DTWD2: variants seen among roughly 807,000 people sequenced by gnomAD.
The protein encoded by DTWD2 is DTW motif tRNA-uridine aminocarboxypropyltransferase 2.
Under a neutral mutation model 31.8 loss-of-function variants are expected in DTWD2, and 39 were observed. The ratio of observed to expected loss-of-function variants is 1.22; its 90% CI spans 0.95 to 1.60. DTWD2 has a LOEUF of 1.60. Ranked by LOEUF, DTWD2 falls within the 40% of genes most tolerant of loss-of-function variation. The pLI, the probability that DTWD2 is intolerant of heterozygous loss-of-function variation, is 0.00. For synonymous variants in DTWD2, 180 were observed against 142.8 expected (o/e 1.26, Z -1.86); for missense variants, 515 against 381.5 (o/e 1.35, Z -2.92).
At chr5:118,963,968 G>C (rs1395688513) in intron 1 of DTWD2, among the ~76,000 whole-genome samples, 1 of 152,162 alleles carries the variant, frequency 6.6e-6, no homozygotes, top group African/African-American at 2.4e-5. Context: ...CCAGTACTTT[G>C]GGAGGCCGAG....
rs532400829 is a variant in DTWD2 at position 118,844,485 on chromosome 5, GA to G, written c.727-3399del. On this transcript the variant is annotated intron_variant, in intron 5 of 5. Coordinates refer to ENST00000510708, the MANE Select transcript of DTWD2 (RefSeq NM_173666.4). ...TACAGGCAAAAATTAGAGAGGAAAA[GA>G]GGGGCAAGAGGATTAACTCTTTTTG... Among the ~76,000 whole-genome samples the G allele has an allele frequency of 1.2e-3, 179 of 152,316 alleles. 2 individuals carry two copies. The highest frequency in any genetic ancestry group is 1.9e-3 in the Admixed American group (29 of 15,298).
chr5:118,921,218 T>G (rs1416217394), intron 4 of DTWD2, among the ~76,000 whole-genome samples: 1 of 152,134 alleles, frequency 6.6e-6, no homozygotes, highest in Non-Finnish European at 1.5e-5. Flanking sequence ...TGTGGATATA[T>G]TCTGCCAACA....
At chr5:118,847,539 G>A (rs1048387266) in intron 5 of DTWD2, among the ~76,000 whole-genome samples, 4 of 151,710 alleles carry the variant, frequency 2.6e-5, no homozygotes, top group Non-Finnish European at 4.4e-5. Flanking sequence ...AATTATATAT[G>A]AAATCATCAT....
chr5:118,844,587 A>G (rs1352694568), intron 5 of DTWD2, among the ~76,000 whole-genome samples: 1 of 152,212 alleles, frequency 6.6e-6, no homozygotes, highest in Non-Finnish European at 1.5e-5. Flanking sequence ...AACATTTTGT[A>G]TATTACAGAT....
chr5:118,893,559 G>C (rs1753020500), intron 4 of DTWD2, among the ~76,000 whole-genome samples: 1 of 152,010 alleles, frequency 6.6e-6, no homozygotes, highest in Admixed American at 6.6e-5. Flanking sequence ...TATTTTTATA[G>C]TTTTTCAATT....
chr5:118,974,182 T>A, intron 1 of DTWD2: 1 of 1,426,340 alleles, frequency 7.0e-7, no homozygotes, highest in Non-Finnish European at 9.7e-7. Context: ...CTATTCACCC[T>A]CCACTTCCCG....
intron 4 of DTWD2, among the ~76,000 whole-genome samples, chr5:118,908,534 T>C (rs772965355): frequency 2.0e-5 from 3 of 152,058 alleles, no homozygotes; most frequent in Non-Finnish European, 4.4e-5. Context: ...GTGTCTTATA[T>C]AGCCTAGAAT....
intron 1 of DTWD2, among the ~76,000 whole-genome samples, chr5:118,975,063 G>A (rs1381250253): frequency 1.3e-5 from 2 of 152,130 alleles, no homozygotes; most frequent in Non-Finnish European, 2.9e-5. Context: ...GAATTTGAAT[G>A]TTGGCCTGTC....
chr5:118,844,906 G>A (rs1165005057), intron 5 of DTWD2, among the ~76,000 whole-genome samples: 1 of 152,136 alleles, frequency 6.6e-6, no homozygotes, highest in East Asian at 1.9e-4. Context: ...GGCGAAGGCA[G>A]GTGGATCGCT....
intron 4 of DTWD2, among the ~76,000 whole-genome samples, chr5:118,913,353 G>A (rs766745416): frequency 8.7e-5 from 13 of 149,454 alleles, no homozygotes; most frequent in Non-Finnish European, 1.6e-4. Context: ...GGTATACTCT[G>A]CAAATTTTGA....
chr5:118,841,291 A>G (rs1298454518), intron 5 of DTWD2, among the ~76,000 whole-genome samples: 1 of 152,210 alleles, frequency 6.6e-6, no homozygotes, highest in Non-Finnish European at 1.5e-5. Flanking sequence ...TATTACACTA[A>G]GGAATTTTAT....
chr5:118,966,120 G>GA (rs941365094), intron 1 of DTWD2, among the ~76,000 whole-genome samples: 3 of 151,938 alleles, frequency 2.0e-5, no homozygotes, highest in Non-Finnish European at 4.4e-5. Flanking sequence ...GCATTGCCTA[G>GA]AAAAAAACCC....
intron 4 of DTWD2, among the ~76,000 whole-genome samples, chr5:118,869,186 A>T (rs1752447341): frequency 6.6e-6 from 1 of 152,202 alleles, no homozygotes; most frequent in Non-Finnish European, 1.5e-5. Flanking sequence ...CTATATATTT[A>T]AAAATGGTTC....
intron 4 of DTWD2, among the ~76,000 whole-genome samples, chr5:118,923,628 C>G (rs1377676585): frequency 2.0e-5 from 3 of 152,212 alleles, no homozygotes; most frequent in Non-Finnish European, 4.4e-5. Context: ...TTCAGGCACC[C>G]TCTTGGATCT....
chr5:118,857,908 A>G (rs1752175560), intron 4 of DTWD2, among the ~76,000 whole-genome samples: 1 of 152,172 alleles, frequency 6.6e-6, no homozygotes, highest in African/African-American at 2.4e-5. Flanking sequence ...CCTCTTACAT[A>G]TCTGCCATCA....
At chr5:118,881,883 G>A (rs1752750001) in intron 4 of DTWD2, among the ~76,000 whole-genome samples, 1 of 152,122 alleles carries the variant, frequency 6.6e-6, no homozygotes, top group African/African-American at 2.4e-5. Context: ...GATTTGGGTG[G>A]GGACACAGAG....
chr5:118,922,646 T>C (rs1753728638), intron 4 of DTWD2, among the ~76,000 whole-genome samples: 1 of 152,190 alleles, frequency 6.6e-6, no homozygotes, highest in African/African-American at 2.4e-5. Context: ...AAAACATTTA[T>C]AAAGAGCACC....
intron 4 of DTWD2, among the ~76,000 whole-genome samples, chr5:118,916,260 C>T (rs1358783772): frequency 1.3e-5 from 2 of 152,162 alleles, no homozygotes; most frequent in African/African-American, 2.4e-5. Context: ...CACATTTTAT[C>T]TAAAATCAGA....
intron 5 of DTWD2, among the ~76,000 whole-genome samples, chr5:118,841,377 C>T (rs1751710545): frequency 6.6e-6 from 1 of 152,088 alleles, no homozygotes; most frequent in South Asian, 2.1e-4. Context: ...TCAAACACCA[C>T]AAAAAATTGT....
Sources: gnomAD v4.1 joint callset for allele counts (sites outside exome capture counted in the v4.1 genomes callset) on GRCh38, gnomAD v4.1.1 for gene constraint, MANE v1.5 for transcripts, NCBI Gene and HGNC (gene_info 2026-07-23, HGNC 2026-07-21) for gene names.